LRRC49: variants seen among roughly 807,000 people sequenced by gnomAD.
LRRC49 encodes leucine rich repeat containing 49.
A neutral mutation model predicts 83.3 loss-of-function variants in LRRC49; 50 were observed. That is an observed-to-expected ratio of 0.60 (90% CI 0.48 to 0.76). The LOEUF (loss-of-function observed/expected upper bound fraction) is 0.76, where lower values mean the gene tolerates loss of function less well. LRRC49 is among the 30% of genes least tolerant of loss of function. The pLI, the probability that LRRC49 is intolerant of heterozygous loss-of-function variation, is 0.00. For missense variants in LRRC49, 704 were observed against 809.1 expected, an observed-to-expected ratio of 0.87 and a Z score of 1.58; for synonymous variants, 286 against 283.3, an observed-to-expected ratio of 1.01 and a Z score of -0.10.
intron 3 of LRRC49, chr15:70,900,512 T>G (rs2141106740): frequency 2.2e-6 from 1 of 456,908 alleles, no homozygotes; most frequent in South Asian, 1.5e-5. Flanking sequence ...CATTTGGAGA[T>G]TCTTCCATTA....
At chr15:70,861,105 G>C (rs967906224) in intron 1 of LRRC49, among the ~76,000 whole-genome samples, 13 of 152,092 alleles carry the variant, frequency 8.5e-5, no homozygotes, top group Non-Finnish European at 1.3e-4. Flanking sequence ...TTGTCTAATA[G>C]ACTGTATTTT....
At chr15:71,005,490 A>T (rs528584960) in intron 11 of LRRC49, among the ~76,000 whole-genome samples, 2 of 152,290 alleles carry the variant, frequency 1.3e-5, no homozygotes, top group African/African-American at 4.8e-5. Context: ...TAAATTCTCC[A>T]CAAAAACCTA....
intron 11 of LRRC49, among the ~76,000 whole-genome samples, chr15:70,999,952 A>G (rs1454872988): frequency 6.6e-6 from 1 of 152,208 alleles, no homozygotes; most frequent in Non-Finnish European, 1.5e-5. Context: ...TCAGAGAGCC[A>G]CCAAACATGT....
intron 11 of LRRC49, among the ~76,000 whole-genome samples, chr15:70,991,904 A>C (rs1340910498): frequency 6.6e-6 from 1 of 152,208 alleles, no homozygotes; most frequent in African/African-American, 2.4e-5. Context: ...ATGTTTTGGA[A>C]ATTGTCTGTA....
chr15:70,888,384 T>TA (rs1317357348), upstream of LRRC49, among the ~76,000 whole-genome samples: 2 of 152,204 alleles, frequency 1.3e-5, no homozygotes, highest in Non-Finnish European at 2.9e-5. Context: ...GCACTTGATT[T>TA]ATGACAAAGT....
intron 8 of LRRC49, among the ~76,000 whole-genome samples, chr15:70,956,001 C>T (rs936501338): frequency 2.6e-5 from 4 of 152,114 alleles, no homozygotes; most frequent in African/African-American, 4.8e-5. Flanking sequence ...GAAAAATCCT[C>T]ACTGATCAAT....
intron 5 of LRRC49, among the ~76,000 whole-genome samples, chr15:70,910,457 G>T (rs1213574160): frequency 6.6e-6 from 1 of 152,220 alleles, no homozygotes; most frequent in Admixed American, 6.5e-5. Context: ...AAACAGAGAG[G>T]TGGAAGTGGT....
intron 7 of LRRC49, among the ~76,000 whole-genome samples, chr15:70,931,387 C>T (rs2035400665): frequency 1.3e-5 from 2 of 152,054 alleles, no homozygotes; most frequent in Non-Finnish European, 2.9e-5. Flanking sequence ...TATCACAGAT[C>T]ACTGATCACG....
chr15:70,921,968 A>G (rs1016072170), intron 7 of LRRC49, among the ~76,000 whole-genome samples: 2 of 152,152 alleles, frequency 1.3e-5, no homozygotes, highest in Non-Finnish European at 2.9e-5. Context: ...TTTAGTTTGT[A>G]TGGCATCTTT....
chr15:70,858,875 T>C, intron 1 of LRRC49: 1 of 761,246 alleles, frequency 1.3e-6, no homozygotes, highest in South Asian at 1.4e-5. Flanking sequence ...GGAGGCTGGG[T>C]GGTGGGGCCA....
At chr15:71,018,227 G>A (rs1159378157) in intron 14 of LRRC49, among the ~76,000 whole-genome samples, 3 of 152,098 alleles carry the variant, frequency 2.0e-5, no homozygotes, top group Non-Finnish European at 4.4e-5. Context: ...CACAGAAAGG[G>A]AACTGACAGG....
intron 2 of LRRC49, among the ~76,000 whole-genome samples, chr15:70,883,584 A>G (rs2033324432): frequency 6.6e-6 from 1 of 152,148 alleles, no homozygotes; most frequent in Non-Finnish European, 1.5e-5. Flanking sequence ...ACTTTATAGA[A>G]GTCTCCTTTA....
intron 2 of LRRC49, chr15:70,882,206 A>G: frequency 2.7e-6 from 1 of 369,870 alleles, no homozygotes; most frequent in Non-Finnish European, 4.8e-6. Flanking sequence ...TTTGCTTTGT[A>G]ACCTGATTTC....
At chr15:70,969,470 T>C (rs1048726375) in intron 9 of LRRC49, among the ~76,000 whole-genome samples, 1 of 152,174 alleles carries the variant, frequency 6.6e-6, no homozygotes, top group African/African-American at 2.4e-5. Flanking sequence ...TATGGGCTCT[T>C]TTTTGGTTCT....
At chr15:71,009,643 A>G (rs1260994382) in intron 12 of LRRC49, 164 bp from the exon 13 acceptor site, 1 of 497,136 alleles carries the variant, frequency 2.0e-6, no homozygotes, top group African/African-American at 2.0e-5. Context: ...AATTAAAGTT[A>G]TGTAAGTTTA....
intron 8 of LRRC49, among the ~76,000 whole-genome samples, chr15:70,953,615 T>C (rs768206942): frequency 3.9e-5 from 6 of 152,188 alleles, no homozygotes; most frequent in Non-Finnish European, 5.9e-5. Flanking sequence ...TCATCTTGCA[T>C]AGTATCTCAC....
At chr15:70,881,714 G>A (rs1346148428) in intron 2 of LRRC49, 1 of 152,154 alleles carries the variant, frequency 6.6e-6, no homozygotes, top group Non-Finnish European at 1.5e-5. Context: ...ATGGGAATAC[G>A]TTAGAAATGT....
At chr15:70,925,694 T>C (rs886387105) in intron 7 of LRRC49, among the ~76,000 whole-genome samples, 2 of 152,180 alleles carry the variant, frequency 1.3e-5, no homozygotes, top group Admixed American at 6.5e-5. Flanking sequence ...TTTTAGGATA[T>C]ACTGCATCAT....
intron 1 of LRRC49, among the ~76,000 whole-genome samples, chr15:70,856,416 A>AGTACCCAAGAATGGGTACTCTTAGGG (rs983937451): frequency 6.6e-6 from 1 of 152,162 alleles, no homozygotes; most frequent in African/African-American, 2.4e-5. Context: ...AGTCTGGCAG[A>AGTACCCAAGAATGGGTACTCTTAGGG]GTACCCAAGA....
Sources: gnomAD v4.1 joint callset for allele counts (sites outside exome capture counted in the v4.1 genomes callset) on GRCh38, gnomAD v4.1.1 for gene constraint, MANE v1.5 for transcripts, NCBI Gene and HGNC (gene_info 2026-07-23, HGNC 2026-07-21) for gene names.